The following SLC4A5 variants were observed in gnomAD, a reference collection of about 807,000 sequenced individuals.
The protein encoded by SLC4A5 is electrogenic sodium bicarbonate cotransporter 4.
Under a neutral mutation model 120.4 loss-of-function variants are expected in SLC4A5, and 96 were observed. The observed-to-expected ratio is 0.80, with a 90% confidence interval of 0.68 to 0.94. The LOEUF (loss-of-function observed/expected upper bound fraction) is 0.94. Ranked by LOEUF, SLC4A5 falls within the 40% of genes least tolerant of loss-of-function variation. The probability of loss-of-function intolerance (pLI) is 0.00; values close to 1 mark genes in which losing one functional copy is unlikely to be tolerated. For synonymous variants in SLC4A5, 550 were observed against 571.1 expected (o/e 0.96, Z 0.53); for missense variants, 1,259 against 1,459.5 (o/e 0.86, Z 2.24).
At chr2:74,317,464 G>C (rs555459199) in intron 5 of SLC4A5, among the ~76,000 whole-genome samples, 40 of 152,266 alleles carry the variant, frequency 2.6e-4, no homozygotes, top group African/African-American at 9.6e-4. Flanking sequence ...GATATCTCAA[G>C]ACCATGATGC....
chr2:74,243,361 C>T (rs1416814005), intron 19 of SLC4A5, among the ~76,000 whole-genome samples: 2 of 152,210 alleles, frequency 1.3e-5, no homozygotes, highest in African/African-American at 2.4e-5. Flanking sequence ...CTCTCTTCTT[C>T]CTGAACTGCT....
chr2:74,227,199 G>T (rs1248413642), intron 26 of SLC4A5, 69 bp from the exon 27 acceptor site: 1 of 1,494,922 alleles, frequency 6.7e-7, no homozygotes, highest in Non-Finnish European at 9.0e-7. Flanking sequence ...GGGACTAGGG[G>T]AAGGGGTGCC....
At chr2:74,231,630 G>T (rs924071389) in intron 24 of SLC4A5, among the ~76,000 whole-genome samples, 5 of 152,242 alleles carry the variant, frequency 3.3e-5, no homozygotes, top group African/African-American at 1.2e-4. Context: ...CATTGGGCAG[G>T]AGCCTGCCCA....
intron 27 of SLC4A5, 40 bp from the exon 28 acceptor site, chr2:74,225,035 G>A: frequency 6.3e-7 from 1 of 1,588,306 alleles, no homozygotes; most frequent in Non-Finnish European, 8.6e-7. Context: ...AGAATTTGGA[G>A]AAAACTGTGG....
chr2:74,288,630 T>C (rs1022915531), intron 7 of SLC4A5, among the ~76,000 whole-genome samples: 2 of 152,180 alleles, frequency 1.3e-5, no homozygotes, highest in Admixed American at 6.5e-5. Flanking sequence ...TGCTTCATCT[T>C]GTTCTCTCTT....
At chr2:74,266,750 T>C (rs963958881) in intron 8 of SLC4A5, among the ~76,000 whole-genome samples, 1 of 152,226 alleles carries the variant, frequency 6.6e-6, no homozygotes, top group African/African-American at 2.4e-5. Context: ...AGAGTATTCT[T>C]ATATTCTTGG....
rs1332114578 is a variant in SLC4A5, at chr2:74,255,277, C to G, written c.1025+498G>C. Among the ~76,000 whole-genome samples, 1 of 152,088 alleles carries G rather than the reference C, an allele frequency of 6.6e-6. No individual in the cohort carries two copies. The highest frequency in any genetic ancestry group is 1.5e-5 in the Non-Finnish European group (1 of 68,018). On this transcript the variant is annotated intron_variant, in intron 13 of 30. Transcript: ENST00000394019. This position sits in a 1 kb window ranked among gnomAD's most constrained non-coding sequence, Gnocchi z 4.0. ...CTTCTCTCCTAGTTGTTGCCTCCTTCTCTTTTATTATTTATTATTTTTATT... is the reference window on the plus strand; with the variant it reads ...CTTCTCTCCTAGTTGTTGCCTCCTTGTCTTTTATTATTTATTATTTTTATT...
chr2:74,340,779 G>A (rs1048796895), intron 2 of SLC4A5, among the ~76,000 whole-genome samples: 1 of 152,136 alleles, frequency 6.6e-6, no homozygotes, highest in Non-Finnish European at 1.5e-5. Flanking sequence ...CTAAATAAGT[G>A]AGGAAGAGTG....
Position 74,299,313 on chromosome 2 carries a change from T to G in SLC4A5, c.271+5176A>C, listed in dbSNP as rs565585708. Among the ~76,000 whole-genome samples, 5 of 152,278 alleles carry G rather than the reference T, an allele frequency of 3.3e-5. No homozygotes were observed. The East Asian group carries it at 5.8e-4, about 18-fold the overall frequency. On this transcript the variant is annotated intron_variant, in intron 7 of 30. Transcript: ENST00000394019. ...TTGCGGTGAGCTGAGATTGCGCCAT[T>G]GCACTCCATCCTGGGCAATAAGAGC...
intron 19 of SLC4A5, among the ~76,000 whole-genome samples, chr2:74,246,193 C>A (rs550553260): frequency 1.3e-5 from 2 of 152,352 alleles, no homozygotes; most frequent in African/African-American, 4.8e-5. Flanking sequence ...AGTAACTCCA[C>A]AGGAGTGGCA....
intron 30 of SLC4A5, 44 bp downstream of exon 30, chr2:74,221,390 A>C (rs1694637889): frequency 2.1e-6 from 3 of 1,445,364 alleles, no homozygotes; most frequent in Non-Finnish European, 2.9e-6. Flanking sequence ...GCCATTTCCT[A>C]GTCTCTTACC....
At chr2:74,234,955 G>T in intron 22 of SLC4A5, 146 bp downstream of exon 22, 2 of 632,902 alleles carry the variant, frequency 3.2e-6, no homozygotes, top group South Asian at 4.1e-5. Flanking sequence ...GCTCCTGGGA[G>T]CCTGTGTTCA....
chr2:74,290,887 C>T (rs1048538443), intron 7 of SLC4A5, among the ~76,000 whole-genome samples: 1 of 152,082 alleles, frequency 6.6e-6, no homozygotes, highest in African/African-American at 2.4e-5. Flanking sequence ...ATCCTCTCTG[C>T]AGGCCCCTTT....
At chr2:74,263,907 C>T (rs1671218051) in intron 10 of SLC4A5, among the ~76,000 whole-genome samples, 1 of 152,250 alleles carries the variant, frequency 6.6e-6, no homozygotes, top group Non-Finnish European at 1.5e-5. Flanking sequence ...AGTGATCTGC[C>T]ACATGCAGCC....
chr2:74,245,117 G>A (rs1370692332), intron 19 of SLC4A5, among the ~76,000 whole-genome samples: 4 of 152,066 alleles, frequency 2.6e-5, no homozygotes, highest in South Asian at 2.1e-4. Flanking sequence ...TCAAGAGATC[G>A]AAACCATCCT....
rs565953253 is a variant in SLC4A5, at chr2:74,255,417, C to G, written c.1025+358G>C. 2.6e-5 allele frequency among the ~76,000 whole-genome samples: 4 copies of G among 152,126 alleles called. No individual in the cohort carries two copies. In the East Asian group the frequency reaches 7.8e-4, roughly 30 times the overall value. On this transcript the variant is annotated intron_variant, in intron 13 of 30. Transcript: ENST00000394019. This position sits in a 1 kb window ranked among gnomAD's most constrained non-coding sequence, Gnocchi z 4.0. ...AAGTGATTCTCCTGCCTCAGCCTCC[C>G]GAGGAGCTGGGATTACAGGCGCGTA... is the stretch of plus-strand genomic sequence containing the variant.
intron 20 of SLC4A5, 41 bp from the exon 21 acceptor site, chr2:74,239,576 C>G: frequency 6.3e-7 from 1 of 1,599,380 alleles, no homozygotes; most frequent in Non-Finnish European, 8.6e-7. Context: ...CAGCATCTTC[C>G]TGATGAGTCA....
At chr2:74,225,936 G>A (rs577784306) in intron 27 of SLC4A5, among the ~76,000 whole-genome samples, 1 of 152,258 alleles carries the variant, frequency 6.6e-6, no homozygotes, top group South Asian at 2.1e-4. Context: ...TTAGTGCTTT[G>A]GGGGCTGGTG....
At chr2:74,234,185 T>C (rs1243981585) in intron 22 of SLC4A5, among the ~76,000 whole-genome samples, 1 of 151,844 alleles carries the variant, frequency 6.6e-6, no homozygotes, top group Admixed American at 6.6e-5. Flanking sequence ...CTTTCTTTTT[T>C]TTTTTGTTTT....
Sources: allele counts gnomAD v4.1 joint callset (sites outside exome capture counted in the v4.1 genomes callset), GRCh38; gene constraint gnomAD v4.1.1; non-coding constraint Gnocchi (gnomAD v3.1); transcripts MANE v1.5; gene names NCBI Gene and HGNC (gene_info 2026-07-23, HGNC 2026-07-21).